Variants in TMCO1 observed in about 807,000 individuals in gnomAD.
The protein encoded by TMCO1 is transmembrane and coiled-coil domains 1.
In TMCO1, 29 loss-of-function variants were observed where a neutral mutation model predicts 29.3. That is an observed-to-expected ratio of 0.99 (90% CI 0.74 to 1.35). TMCO1 has a LOEUF of 1.35. Ranked by LOEUF, TMCO1 falls within the 40% of genes most tolerant of loss-of-function variation. TMCO1 has a pLI of 0.00. For synonymous variants in TMCO1, 80 were observed against 77.1 expected (o/e 1.04, Z -0.20); for missense variants, 173 against 225.5 (o/e 0.77, Z 1.49).
chr1:165,729,103 TAAA>T (rs553390393), intron 6 of TMCO1, among the ~76,000 whole-genome samples: 4 of 76,354 alleles, frequency 5.2e-5, no homozygotes, highest in Admixed American at 1.5e-4. Flanking sequence ...AGATTCTGTC[TAAA>T]AAAAAAAAAA....
chr1:165,735,718 T>C (rs1651347685), intron 6 of TMCO1, among the ~76,000 whole-genome samples: 1 of 152,080 alleles, frequency 6.6e-6, no homozygotes, highest in Non-Finnish European at 1.5e-5. Context: ...TTTCAACATG[T>C]TGGCAAGGTT....
At chr1:165,735,575 C>A (rs547283961) in intron 6 of TMCO1, among the ~76,000 whole-genome samples, 9 of 147,918 alleles carry the variant, frequency 6.1e-5, no homozygotes, top group African/African-American at 2.3e-4. Flanking sequence ...AATGCGGTGG[C>A]GCAGTCTCAG....
At chr1:165,725,136 G>A (rs1650820511), downstream of TMCO1, 1 of 425,884 alleles carries the variant, frequency 2.3e-6, no homozygotes, top group South Asian at 1.8e-5. Context: ...TTAAAAGACT[G>A]ACTTAAGCAG....
intron 2 of TMCO1, among the ~76,000 whole-genome samples, chr1:165,765,338 C>T (rs1652530567): frequency 6.6e-6 from 1 of 152,136 alleles, no homozygotes; most frequent in Non-Finnish European, 1.5e-5. Flanking sequence ...AGCTGGAGTG[C>T]AGTGATGCAA....
intron 2 of TMCO1, among the ~76,000 whole-genome samples, chr1:165,763,658 A>T (rs1652473946): frequency 6.6e-6 from 1 of 152,174 alleles, no homozygotes; most frequent in Admixed American, 6.5e-5. Flanking sequence ...CAACTCTGTC[A>T]CCTAGGCTGG....
chr1:165,742,880 A>G (rs1159528064), intron 6 of TMCO1, among the ~76,000 whole-genome samples: 1 of 152,134 alleles, frequency 6.6e-6, no homozygotes, highest in Admixed American at 6.5e-5. Flanking sequence ...CCCACTCTCT[A>G]CTTTTGCAGC....
At chr1:165,745,197 T>C (rs76281945) in intron 5 of TMCO1, among the ~76,000 whole-genome samples, 2,006 of 151,116 alleles carry the variant, frequency 0.013, 55 homozygotes, top group African/African-American at 0.047. Flanking sequence ...ATTTTTTTTT[T>C]TTTTTTGTAG....
At chr1:165,735,141 C>T (rs1651318583) in intron 6 of TMCO1, among the ~76,000 whole-genome samples, 1 of 152,190 alleles carries the variant, frequency 6.6e-6, no homozygotes, top group African/African-American at 2.4e-5. Context: ...GTGACAATCT[C>T]TTTCTCTCCC....
intron 5 of TMCO1, among the ~76,000 whole-genome samples, chr1:165,745,019 G>T (rs1651742005): frequency 1.3e-5 from 2 of 151,588 alleles, no homozygotes; most frequent in African/African-American, 4.8e-5. Context: ...GAGTGTAAGG[G>T]ATATTATTTT....
rs142268770 is a variant in TMCO1 at position 165,746,606 on chromosome 1, T to G, written c.324-3295A>C. ...TAAGTGCTTATTATATTATTAACTC[T>G]ATTAAGGATAACATATCACATATGC... On this transcript the variant is annotated intron_variant, in intron 5 of 6. Coordinates refer to ENST00000367881, the MANE Select transcript of TMCO1 (RefSeq NM_019026.6). Among the ~76,000 whole-genome samples the G allele has an allele frequency of 5.3e-5, 8 of 152,278 alleles. No homozygotes were observed. In the East Asian group the frequency reaches 1.5e-3, roughly 29 times the overall value.
rs566995977 is a variant in TMCO1 at position 165,739,278 on chromosome 1, G to T, written c.468+3889C>A. ...TAGACCTTTACAGAAACAGTTTGCC[G>T]ATCCGCACTGAAAATGAGCTTTGCA... On this transcript the variant is annotated intron_variant, in intron 6 of 6. Coordinates refer to ENST00000367881, the MANE Select transcript of TMCO1 (RefSeq NM_019026.6). Among the ~76,000 whole-genome samples the T allele has an allele frequency of 3.9e-5, 6 of 152,236 alleles. No individual in the cohort carries two copies. The East Asian group carries it at 1.2e-3, about 29-fold the overall frequency.
At chr1:165,725,835 G>C (rs1170493110), downstream of TMCO1, 2 of 481,936 alleles carry the variant, frequency 4.1e-6, no homozygotes, top group Admixed American at 2.3e-5. Flanking sequence ...GTGCTTTTAA[G>C]AATAGAGTGA....
rs923101343 is a variant in TMCO1 at position 165,756,211 on chromosome 1, G to C, written c.209-1937C>G. ...ATCACATTATGAAAATACTGAGATA[G>C]AACCCAAGGACACAAGCATCTGGAG... is the stretch of plus-strand genomic sequence containing the variant. On this transcript the variant is annotated intron_variant, in intron 3 of 6. Coordinates refer to ENST00000367881, the MANE Select transcript of TMCO1 (RefSeq NM_019026.6). 2.0e-5 allele frequency among the ~76,000 whole-genome samples: 3 copies of C among 152,144 alleles called. 1 individual carries two copies. Among genetic ancestry groups the C allele is most frequent in the East Asian group, 3.8e-4 (2 of 5,198 alleles).
intron 6 of TMCO1, among the ~76,000 whole-genome samples, chr1:165,732,200 T>C (rs1444592825): frequency 6.6e-6 from 1 of 152,080 alleles, no homozygotes; most frequent in Non-Finnish European, 1.5e-5. Context: ...ACTTTAAAGT[T>C]TGCAAACAGT....
chr1:165,754,293 A>G lies in TMCO1; in HGVS notation c.209-19T>C, dbSNP rs1652111188. 4 of 1,596,804 alleles carry G rather than the reference A, an allele frequency of 2.5e-6. No individual in the cohort carries two copies. In the African/African-American group the frequency reaches 5.4e-5, roughly 21 times the overall value. ...TGTCTCTCTGCAAAGAATTAATGAG[A>G]TGGTTAATACATACAATGCTGAGCA... On this transcript the variant is annotated intron_variant, in intron 3 of 6. Transcript: ENST00000367881.
At chr1:165,758,162 T>G (rs1652265247) in intron 3 of TMCO1, among the ~76,000 whole-genome samples, 1 of 152,176 alleles carries the variant, frequency 6.6e-6, no homozygotes, top group Admixed American at 6.6e-5. Flanking sequence ...TCCTCCTCCC[T>G]GACACTCTCC....
intron 5 of TMCO1, among the ~76,000 whole-genome samples, chr1:165,751,704 CAA>C (rs1199676656): frequency 4.9e-5 from 6 of 122,382 alleles, no homozygotes; most frequent in Admixed American, 8.4e-5. Context: ...GACTCCGTCT[CAA>C]AAAAAAAAAA....
chr1:165,756,307 C>CA (rs893913662), intron 3 of TMCO1, among the ~76,000 whole-genome samples: 25 of 152,074 alleles, frequency 1.6e-4, no homozygotes, highest in African/African-American at 5.8e-4. Context: ...AGCTGAATGC[C>CA]AAAAAAATTA....
chr1:165,728,495 A>T (rs1650994102), intron 6 of TMCO1, among the ~76,000 whole-genome samples: 1 of 152,020 alleles, frequency 6.6e-6, no homozygotes, highest in Non-Finnish European at 1.5e-5. Context: ...TGACCTCATG[A>T]TCTGCCCACC....
Sources: allele counts gnomAD v4.1 joint callset (sites outside exome capture counted in the v4.1 genomes callset), GRCh38; gene constraint gnomAD v4.1.1; transcripts MANE v1.5; gene names NCBI Gene and HGNC (gene_info 2026-07-23, HGNC 2026-07-21).